Variants in GRIK4 observed in about 807,000 individuals in gnomAD.
GRIK4 encodes the protein glutamate receptor ionotropic, kainate 4.
GRIK4 carries 40 observed loss-of-function variants against 104.9 expected under a neutral mutation model. The ratio of observed to expected loss-of-function variants is 0.38; its 90% CI spans 0.30 to 0.50. GRIK4 has a LOEUF of 0.50. Ranked by LOEUF, GRIK4 falls within the 20% of genes least tolerant of loss-of-function variation. The pLI is 0.93. For synonymous variants in GRIK4, 485 were observed against 524.9 expected, an observed-to-expected ratio of 0.92 and a Z score of 1.04; for missense variants, 1,047 against 1,308.1, an observed-to-expected ratio of 0.80 and a Z score of 3.08.
At chr11:120,532,462 G>A (rs1419994843) in intron 1 of GRIK4, among the ~76,000 whole-genome samples, 6 of 152,172 alleles carry the variant, frequency 3.9e-5, no homozygotes, top group South Asian at 2.1e-4. Flanking sequence ...TAGACGTTTT[G>A]TGTAAATTAA....
chr11:120,943,107 TACACACACACACAC>T (rs1222269285), intron 14 of GRIK4, among the ~76,000 whole-genome samples: 1 of 106,838 alleles, frequency 9.4e-6, no homozygotes, highest in Non-Finnish European at 2.0e-5. Flanking sequence ...TGTCCCTCTC[TACACACACACACAC>T]ACACACACAC....
intron 1 of GRIK4, among the ~76,000 whole-genome samples, chr11:120,616,480 G>A (rs1388904580): frequency 6.6e-6 from 1 of 152,184 alleles, no homozygotes; most frequent in Non-Finnish European, 1.5e-5. Flanking sequence ...ATCTTCAGAC[G>A]GAAGCTGGAT....
chr11:120,635,649 G>A (rs1334820560), intron 1 of GRIK4, among the ~76,000 whole-genome samples: 1 of 152,216 alleles, frequency 6.6e-6, no homozygotes, highest in Non-Finnish European at 1.5e-5. Context: ...AGTGAATGGG[G>A]TGTGATGAGT....
At chr11:120,771,610 G>A (rs940493159) in intron 3 of GRIK4, among the ~76,000 whole-genome samples, 8 of 152,216 alleles carry the variant, frequency 5.3e-5, no homozygotes, top group African/African-American at 1.7e-4. Flanking sequence ...TGTGTTGAGA[G>A]AGAACACTAA....
At chr11:120,653,954 T>C (rs1381202176) in intron 2 of GRIK4, among the ~76,000 whole-genome samples, 162 bp downstream of exon 2, 5 of 152,214 alleles carry the variant, frequency 3.3e-5, no homozygotes, top group Non-Finnish European at 5.9e-5. Flanking sequence ...GCAAGGCTCC[T>C]ACCTGTTGGG....
intron 1 of GRIK4, among the ~76,000 whole-genome samples, chr11:120,610,089 G>A (rs57459558): frequency 0.036 from 5,470 of 152,066 alleles, 227 homozygotes; most frequent in African/African-American, 0.1. Context: ...CCTGTCTCTC[G>A]CTTCTTGGTT....
At chr11:120,523,480 T>G (rs574087795) in intron 1 of GRIK4, among the ~76,000 whole-genome samples, 233 of 152,186 alleles carry the variant, frequency 1.5e-3, no homozygotes, top group African/African-American at 5.3e-3. Flanking sequence ...GGAGCCGACT[T>G]TTGTCCTGTA....
chr11:120,877,105 G>T (rs1212850372), intron 11 of GRIK4, among the ~76,000 whole-genome samples: 1 of 152,246 alleles, frequency 6.6e-6, no homozygotes, highest in Non-Finnish European at 1.5e-5. Context: ...GAGTCCTGCT[G>T]CTGACTCTCA....
intron 3 of GRIK4, among the ~76,000 whole-genome samples, chr11:120,742,762 G>A (rs527320491): frequency 2.4e-4 from 36 of 152,196 alleles, no homozygotes; most frequent in African/African-American, 7.9e-4. Context: ...TCCCATTACT[G>A]GGTATATACC....
At position 120,705,392 on chromosome 11, in the gene GRIK4, A is replaced by C. The variant is rs913891866; in HGVS notation, c.82+44992A>C. Among the ~76,000 whole-genome samples the C allele has an allele frequency of 4.6e-5, 7 of 151,932 alleles. 1 individual carries two copies. The highest frequency in any genetic ancestry group is 4.2e-4 in the South Asian group (2 of 4,818). On this transcript the variant is annotated intron_variant, in intron 3 of 20. Transcript: ENST00000527524. ...AGGTGCCTGCCACCTTGCCCAGCTAATTTTTGTATTTTTAGTAGAGACAAG... is the reference window on the plus strand; with the variant it reads ...AGGTGCCTGCCACCTTGCCCAGCTACTTTTTGTATTTTTAGTAGAGACAAG...
At chr11:120,941,291 A>G (rs1943718039) in intron 14 of GRIK4, among the ~76,000 whole-genome samples, 2 of 152,156 alleles carry the variant, frequency 1.3e-5, no homozygotes, top group Admixed American at 1.3e-4. Flanking sequence ...CTGCCATGGT[A>G]TGCTCCAGAA....
intron 3 of GRIK4, among the ~76,000 whole-genome samples, chr11:120,764,600 T>A (rs1951800850): frequency 6.6e-6 from 1 of 152,008 alleles, no homozygotes; most frequent in Non-Finnish European, 1.5e-5. Flanking sequence ...TGTTTTTGTT[T>A]TTTTTTTCCT....
rs1947685003 is a variant in GRIK4 at position 120,513,338 on chromosome 11, T to TTGG, written c.-159+1453_-159+1455dup. On this transcript the variant is annotated intron_variant, in intron 1 of 20. Transcript: ENST00000527524. The surrounding 1 kb of genome is among the most constrained non-coding windows in gnomAD (Gnocchi z 4.5). ...TCTCCGGGGAGAGAGGCCGCCTGGGTTGGTAGTGGGCATCTGAGAGACAAA... is the reference window on the plus strand; with the variant it reads ...TCTCCGGGGAGAGAGGCCGCCTGGGTTGGTGGTAGTGGGCATCTGAGAGACAAA... Among the ~76,000 whole-genome samples, 1 of 151,916 alleles carries TTGG rather than the reference T, an allele frequency of 6.6e-6. No individual in the cohort carries two copies. The highest frequency in any genetic ancestry group is 1.5e-5 in the Non-Finnish European group (1 of 67,966).
chr11:120,632,273 G>A (rs964415071), intron 1 of GRIK4, among the ~76,000 whole-genome samples: 8 of 152,136 alleles, frequency 5.3e-5, no homozygotes, highest in African/African-American at 1.4e-4. Context: ...TGACCATGTC[G>A]CACCTTGATC....
At chr11:120,846,158 T>C (rs1828305905) in intron 8 of GRIK4, among the ~76,000 whole-genome samples, 1 of 152,226 alleles carries the variant, frequency 6.6e-6, no homozygotes, top group Non-Finnish European at 1.5e-5. Flanking sequence ...TGACTGAAGA[T>C]TTATTTTTTG....
At chr11:120,539,045 C>T (rs776342831) in intron 1 of GRIK4, among the ~76,000 whole-genome samples, 2 of 152,234 alleles carry the variant, frequency 1.3e-5, no homozygotes, top group Non-Finnish European at 2.9e-5. Flanking sequence ...AGGGCCACCT[C>T]CAAAGCAAGT....
At chr11:120,981,476 G>A (rs563590923) in intron 19 of GRIK4, among the ~76,000 whole-genome samples, 3 of 152,300 alleles carry the variant, frequency 2.0e-5, no homozygotes, top group South Asian at 4.1e-4. Flanking sequence ...CCCATGTCCA[G>A]AGATACTGAT....
At chr11:120,724,403 A>G (rs988265701) in intron 3 of GRIK4, among the ~76,000 whole-genome samples, 1 of 152,236 alleles carries the variant, frequency 6.6e-6, no homozygotes, top group Non-Finnish European at 1.5e-5. Context: ...TTTGAGTTGT[A>G]TCCAGTTCCT....
rs1236407975 is a variant in GRIK4, at chr11:120,549,276, TA to T, written c.-159+37390del. Among the ~76,000 whole-genome samples the T allele has an allele frequency of 3.3e-5, 5 of 149,358 alleles. No homozygotes were observed. The highest frequency in any genetic ancestry group is 1.2e-4 in the African/African-American group (5 of 40,222). ...ACTACACCTGGCTAATTTTTGTATA[TA>T]TTTTTTTTTAAGTAAAGTCGGGCTT... On this transcript the variant is annotated intron_variant, in intron 1 of 20. Transcript: ENST00000527524. The surrounding 1 kb of genome is among the most constrained non-coding windows in gnomAD (Gnocchi z 4.7).
Sources: gnomAD v4.1 joint callset for allele counts (sites outside exome capture counted in the v4.1 genomes callset) on GRCh38, gnomAD v4.1.1 for gene constraint, Gnocchi (gnomAD v3.1) non-coding constraint, MANE v1.5 for transcripts, NCBI Gene and HGNC (gene_info 2026-07-23, HGNC 2026-07-21) for gene names.